The following REPS1 variants were observed in gnomAD, a reference collection of about 807,000 sequenced individuals.
REPS1 encodes RALBP1 associated Eps domain containing 1.
A neutral mutation model predicts 100.9 loss-of-function variants in REPS1; 39 were observed. The ratio of observed to expected loss-of-function variants is 0.39; its 90% CI spans 0.30 to 0.50. The LOEUF (loss-of-function observed/expected upper bound fraction) is 0.50, where lower values mean the gene tolerates loss of function less well. REPS1 is among the 20% of genes least tolerant of loss of function. The pLI, the probability that REPS1 is intolerant of heterozygous loss-of-function variation, is 0.86. For synonymous variants in REPS1, 324 were observed against 340.3 expected (o/e 0.95, Z 0.53); for missense variants, 821 against 968.5 (o/e 0.85, Z 2.02).
At chr6:138,940,707 C>G (rs1443414999) in intron 8 of REPS1, among the ~76,000 whole-genome samples, 44 of 150,842 alleles carry the variant, frequency 2.9e-4, no homozygotes, top group Non-Finnish European at 2.8e-4. Context: ...GATCGTGCCA[C>G]TGCACTCCAG....
chr6:138,923,476 AG>A (rs1237290843), intron 10 of REPS1, among the ~76,000 whole-genome samples: 4 of 152,260 alleles, frequency 2.6e-5, no homozygotes, highest in African/African-American at 9.6e-5. Flanking sequence ...AGATTTATAA[AG>A]CTTGGAACAG....
chr6:138,938,253 A>C (rs1300017443), intron 8 of REPS1, among the ~76,000 whole-genome samples: 1 of 152,182 alleles, frequency 6.6e-6, no homozygotes, highest in African/African-American at 2.4e-5. Flanking sequence ...TACCTGTTCA[A>C]GCAATTTTGG....
chr6:138,984,272 A>C (rs59064221), intron 1 of REPS1, among the ~76,000 whole-genome samples: 22,488 of 151,770 alleles, frequency 0.15, 1,758 homozygotes, highest in African/African-American at 0.17. Context: ...TAGTACAGAA[A>C]GGGTTTCACC....
intron 8 of REPS1, among the ~76,000 whole-genome samples, chr6:138,933,049 ATC>A (rs1165667088): frequency 6.6e-6 from 1 of 152,240 alleles, no homozygotes; most frequent in African/African-American, 2.4e-5. Context: ...TTTTACAAAT[ATC>A]CAATGCATTA....
At chr6:138,941,576 T>A in intron 7 of REPS1, 87 bp from the exon 8 acceptor site, 4 of 1,289,912 alleles carry the variant, frequency 3.1e-6, no homozygotes, top group Non-Finnish European at 4.4e-6. Flanking sequence ...ATATTTTCCA[T>A]GAGAAAGTGC....
rs57561790 is a variant in REPS1 at position 138,978,481 on chromosome 6, C to CTTT, written c.153+9046_153+9048dup. On this transcript the variant is annotated intron_variant, in intron 1 of 19. Coordinates refer to ENST00000450536, the MANE Select transcript of REPS1 (RefSeq NM_001286611.2). The stretch of plus-strand genomic sequence containing the variant: ...ACTATACCCAGCTAATTTATTTTAT[C>CTTT]TTTTTTTTTTACAGGCAGGGGTCTC... Among the ~76,000 whole-genome samples the CTTT allele has an allele frequency of 9.5e-5, 14 of 147,604 alleles. No homozygotes were observed. In the East Asian group the frequency reaches 1.4e-3, roughly 15 times the overall value.
chr6:138,934,405 G>T, intron 8 of REPS1: 1 of 459,060 alleles, frequency 2.2e-6, no homozygotes. Flanking sequence ...GTATTTCCAC[G>T]TACAAAAGTG....
intron 1 of REPS1, among the ~76,000 whole-genome samples, chr6:138,969,269 ATTTTTTTTTTTT>A (rs71013004): frequency 1.1e-4 from 8 of 74,256 alleles, no homozygotes; most frequent in African/African-American, 3.8e-4. Context: ...CAAAGCTGTA[ATTTTTTTTTTTT>A]TTTTTTTTTT....
chr6:138,958,244 G>A (rs1446822445), intron 1 of REPS1, among the ~76,000 whole-genome samples: 1 of 152,192 alleles, frequency 6.6e-6, no homozygotes, highest in Non-Finnish European at 1.5e-5. Flanking sequence ...TAATAAGTTC[G>A]AAGTGGTTTT....
At position 138,987,522 on chromosome 6, in the gene REPS1, G is replaced by A; in HGVS notation, c.153+8C>T. 1 of 1,544,914 alleles carries A rather than the reference G, an allele frequency of 6.5e-7. No individual in the cohort carries two copies. Among genetic ancestry groups the A allele is most frequent in the Non-Finnish European group, 8.7e-7 (1 of 1,144,552 alleles). ...AAGCCGCCCGCCGGCCCCGGGACGC[G>A]ACGTTACCTGTAGGACCACGTCGTT... On this transcript the variant is annotated splice_region_variant and intron_variant, in intron 1 of 19. Transcript: ENST00000450536.
chr6:138,979,685 A>C (rs1423908254), intron 1 of REPS1, among the ~76,000 whole-genome samples: 1 of 152,160 alleles, frequency 6.6e-6, no homozygotes, highest in African/African-American at 2.4e-5. Context: ...CGACATGATA[A>C]TACTATATAT....
Position 138,904,876 on chromosome 6 carries a change from C to A in REPS1, c.*188G>T. ...CAATCTACCCTCCAGAAAACGCCAT[C>A]CTGACCTTTTTATTGTCGAAATTAA... On this transcript the variant is annotated 3_prime_UTR_variant, in exon 20 of 20. Transcript: ENST00000450536. 2.0e-6 allele frequency: 1 copy of A among 496,608 alleles called. No homozygotes were observed. Among genetic ancestry groups the A allele is most frequent in the Non-Finnish European group, 3.6e-6 (1 of 274,478 alleles). 30.8% of individuals were successfully genotyped at this position (496,608 alleles called of 1,614,324 possible). A position where few individuals can be genotyped will look rare whatever the true frequency, so the allele number is the denominator to read the frequency against.
intron 1 of REPS1, among the ~76,000 whole-genome samples, chr6:138,971,739 C>T (rs1305490820): frequency 6.6e-6 from 1 of 152,090 alleles, no homozygotes; most frequent in East Asian, 1.9e-4. Flanking sequence ...TTCTCATGCC[C>T]AGAATGTTGA....
At chr6:138,907,628 C>A in intron 18 of REPS1, 28 bp from the exon 19 acceptor site, 1 of 1,351,522 alleles carries the variant, frequency 7.4e-7, no homozygotes, top group Non-Finnish European at 1.1e-6. Context: ...GCAAAAAAAC[C>A]CATAACCTTC....
chr6:138,906,192 A>G (rs1779639231), intron 19 of REPS1, among the ~76,000 whole-genome samples: 2 of 152,230 alleles, frequency 1.3e-5, no homozygotes, highest in Admixed American at 1.3e-4. Context: ...ATAATCATAT[A>G]ACTACAAATG....
At chr6:138,926,082 C>T (rs953104616) in intron 10 of REPS1, among the ~76,000 whole-genome samples, 1 of 152,120 alleles carries the variant, frequency 6.6e-6, no homozygotes, top group Non-Finnish European at 1.5e-5. Flanking sequence ...AGTCACTACA[C>T]TGAAATAAAC....
intron 1 of REPS1, among the ~76,000 whole-genome samples, chr6:138,954,838 T>G (rs945239291): frequency 6.6e-6 from 1 of 152,220 alleles, no homozygotes; most frequent in African/African-American, 2.4e-5. Context: ...CTTCCTTTCA[T>G]ATACTCTAAT....
At chr6:138,947,938 T>C (rs547055537) in intron 1 of REPS1, 25 bp from the exon 2 acceptor site, 2 of 1,547,766 alleles carry the variant, frequency 1.3e-6, no homozygotes, top group Admixed American at 2.2e-5. Flanking sequence ...AATGTTAACA[T>C]TAAGATTCAC....
intron 19 of REPS1, among the ~76,000 whole-genome samples, chr6:138,905,779 T>G (rs1779607363): frequency 6.6e-6 from 1 of 152,202 alleles, no homozygotes; most frequent in Non-Finnish European, 1.5e-5. Flanking sequence ...TAATGTAGCT[T>G]CTTTTCCCTA....
Sources: gnomAD v4.1 joint callset for allele counts (sites outside exome capture counted in the v4.1 genomes callset) on GRCh38, gnomAD v4.1.1 for gene constraint, MANE v1.5 for transcripts, NCBI Gene and HGNC (gene_info 2026-07-23, HGNC 2026-07-21) for gene names.